The following CTSB variants were observed in gnomAD, a reference collection of about 807,000 sequenced individuals.
The protein encoded by CTSB is cathepsin B, also known as APP secretase.
Under a neutral mutation model 44.3 loss-of-function variants are expected in CTSB, and 57 were observed. The ratio of observed to expected loss-of-function variants is 1.29; its 90% CI spans 1.04 to 1.60. The LOEUF is 1.60. Among genes scored for constraint, CTSB ranks in the 40% most tolerant of loss-of-function variants. CTSB has a pLI of 0.00. For synonymous variants in CTSB, 320 were observed against 168.0 expected, an observed-to-expected ratio of 1.91 and a Z score of -7.00; for missense variants, 768 against 443.0, an observed-to-expected ratio of 1.73 and a Z score of -6.59.
intron 1 of CTSB, 88 bp from the exon 2 acceptor site, chr8:11,853,567 G>C (rs762531621): frequency 1.7e-5 from 23 of 1,344,980 alleles, no homozygotes; most frequent in Non-Finnish European, 2.3e-5. Context: ...GGCATCAGTG[G>C]GGACCCCCAT....
At chr8:11,849,985 G>C (rs1171310454) in intron 4 of CTSB, 1 of 152,330 alleles carries the variant, frequency 6.6e-6, no homozygotes, top group East Asian at 1.9e-4. Context: ...ACAGAAAGTA[G>C]AGTGGGGCTT....
At chr8:11,854,162 A>G (rs140708071) in intron 1 of CTSB, among the ~76,000 whole-genome samples, 156 of 152,106 alleles carry the variant, frequency 1.0e-3, no homozygotes, top group African/African-American at 3.7e-3. Context: ...ACTCTGAGTC[A>G]CCCTCCTAAG....
intron 1 of CTSB, among the ~76,000 whole-genome samples, chr8:11,855,741 G>A (rs777194684): frequency 2.0e-5 from 3 of 152,066 alleles, no homozygotes; most frequent in Non-Finnish European, 4.4e-5. Flanking sequence ...AAGTTCAACC[G>A]GCATGGTGGC....
rs889627383 is a variant in CTSB at position 11,844,999 on chromosome 8, C to G, written c.*126G>C. 13 of 677,312 alleles carry G rather than the reference C, an allele frequency of 1.9e-5. No homozygotes were observed. The highest frequency in any genetic ancestry group is 2.9e-5 in the Non-Finnish European group (11 of 383,662). The allele number at this position is 677,312 out of a possible 1,614,324, so 42.0% of individuals were successfully genotyped here. ...GACTTGGTCTCCTTGGAAGACAGGT[C>G]TGATGTTTGGCCAATCCAGTCCTTC... On this transcript the variant is annotated 3_prime_UTR_variant, in exon 10 of 10. Transcript: ENST00000353047.
Position 11,853,448 on chromosome 8 carries a change from G to T in CTSB, c.7C>A (p.Gln3Lys). The T allele has an allele frequency of 6.2e-7, 1 of 1,611,576 alleles. No homozygotes were observed. The highest frequency in any genetic ancestry group is 8.5e-7 in the Non-Finnish European group (1 of 1,179,446). The change falls in exon 2 of 10, where the codon CAG becomes AAG. Residue 3 changes from glutamine (Q) to lysine (K), a missense_variant. Physicochemically the swap from Gln to Lys is moderately conservative, Grantham distance 53. Coordinates refer to ENST00000353047, the MANE Select transcript of CTSB (RefSeq NM_001908.5). ...AGGCAGCAGAGGGAGGCCCAGAGCT[G>T]CCACATGTTGGAAGCCGGATCCTAG... MW[Q>K]LWASLCCLLV... is the part of the protein sequence containing the mutation.
At chr8:11,848,655 G>C (rs989597050) in intron 5 of CTSB, 29 of 306,552 alleles carry the variant, frequency 9.5e-5, no homozygotes, top group African/African-American at 5.4e-4. Flanking sequence ...AGCTGGAGCA[G>C]AAAGTTCTGT....
Position 11,847,855 on chromosome 8 carries a change from T to A in CTSB, c.533-33A>T, listed in dbSNP as rs753229097. 93 of 1,492,004 alleles carry A rather than the reference T, an allele frequency of 6.2e-5. 2 individuals are homozygous for A. In the Middle Eastern group the frequency reaches 3.2e-3, roughly 51 times the overall value. 92.4% of individuals were successfully genotyped at this position (1,492,004 alleles called of 1,614,324 possible). A position where few individuals can be genotyped will look rare whatever the true frequency, so the allele number is the denominator to read the frequency against. On this transcript the variant is annotated intron_variant, in intron 6 of 9. Coordinates refer to ENST00000353047, the MANE Select transcript of CTSB (RefSeq NM_001908.5). ...GACGCGGGAGAAAGCGGAGTCAACC[T>A]ACAGCCCCCACGGAGAAGACCTGGG...
In CTSB at chr8:11,847,835, G is replaced by C. The variant is rs776575335; in HGVS notation, c.533-13C>G. The C allele has an allele frequency of 1.9e-6, 3 of 1,575,964 alleles. No homozygotes were observed. Among genetic ancestry groups the C allele is most frequent in the Admixed American group, 4.1e-5 (2 of 48,546 alleles). On this transcript the variant is annotated splice_polypyrimidine_tract_variant and intron_variant, in intron 6 of 9. Coordinates refer to ENST00000353047, the MANE Select transcript of CTSB (RefSeq NM_001908.5). ...TACGGTCTGCACCCTGATGGGACGC[G>C]GGAGAAAGCGGAGTCAACCTACAGC... is the stretch of plus-strand genomic sequence containing the variant.
rs1351749158 is a variant in CTSB, at chr8:11,845,601, A to C, written c.922+60T>G. On this transcript the variant is annotated intron_variant, in intron 9 of 9. Coordinates refer to ENST00000353047, the MANE Select transcript of CTSB (RefSeq NM_001908.5). ...GGTGGGTAGAACAGAGAAAGCCGAG[A>C]TGGCCACGGGGTGTGGCTCACAATT... The C allele has an allele frequency of 2.5e-6, 4 of 1,578,842 alleles. No individual in the cohort carries two copies. In the South Asian group the frequency reaches 3.5e-5, roughly 14 times the overall value.
Position 11,847,731 on chromosome 8 carries a change from G to C in CTSB, c.624C>G (p.Ser208Arg), listed in dbSNP as rs746952344. 1.9e-5 allele frequency: 31 copies of C among 1,599,296 alleles called. No individual in the cohort carries two copies. The highest frequency in any genetic ancestry group is 2.5e-5 in the Non-Finnish European group (29 of 1,174,810). ...GGCTGTAGCCAGGCTCACAGATCTT[G>C]CTACACTTGGGGGTATCTCCCTCCC... ...CTGEGDTPKC[S>R]KICEPGYSPT... is the part of the protein sequence containing the mutation. The change falls in exon 7 of 10, where the codon AGC becomes AGG. Residue 208 changes from serine to arginine, a missense_variant. Coordinates refer to ENST00000353047, the MANE Select transcript of CTSB (RefSeq NM_001908.5).
At chr8:11,866,170 G>A (rs1817118740) in intron 1 of CTSB, among the ~76,000 whole-genome samples, 1 of 152,208 alleles carries the variant, frequency 6.6e-6, no homozygotes, top group Non-Finnish European at 1.5e-5. Flanking sequence ...TAAAATGGGT[G>A]CAACTTCTCT....
Position 11,847,159 on chromosome 8 carries a change from G to A in CTSB, c.686C>T (p.Ser229Phe). 1 of 1,609,324 alleles carries A rather than the reference G, an allele frequency of 6.2e-7. No individual in the cohort carries two copies. Among genetic ancestry groups the A allele is most frequent in the Non-Finnish European group, 8.5e-7 (1 of 1,175,750 alleles). Residue 229 changes from serine to phenylalanine, a missense_variant, in exon 8 of 10, where the codon TCC becomes TTC. By Grantham distance (155) the Ser-to-Phe change is radical. Coordinates refer to ENST00000353047, the MANE Select transcript of CTSB (RefSeq NM_001908.5). ...CTTCTCGCTATTGGAGACGCTGTAGGAATTGTATCCTGGAAAATGAACCGA... is the reference window on the plus strand; with the variant it reads ...CTTCTCGCTATTGGAGACGCTGTAGAAATTGTATCCTGGAAAATGAACCGA... ...YKQDKHYGYNSYSVSNSEKDI... is the reference protein window; with the variant it reads ...YKQDKHYGYNFYSVSNSEKDI...
intron 1 of CTSB, among the ~76,000 whole-genome samples, chr8:11,862,164 G>A (rs778102401): frequency 1.2e-4 from 17 of 147,246 alleles, no homozygotes; most frequent in Non-Finnish European, 1.9e-4. Context: ...CCGAGATCAC[G>A]CCACTGCACT....
At chr8:11,857,287 G>A (rs969805017) in intron 1 of CTSB, among the ~76,000 whole-genome samples, 1 of 152,128 alleles carries the variant, frequency 6.6e-6, no homozygotes, top group Non-Finnish European at 1.5e-5. Flanking sequence ...CAAAGTGCTA[G>A]GATTACAGGC....
chr8:11,859,484 G>A (rs935079567), intron 1 of CTSB, among the ~76,000 whole-genome samples: 3 of 152,184 alleles, frequency 2.0e-5, no homozygotes, highest in Non-Finnish European at 2.9e-5. Context: ...TTTCTGGCCA[G>A]GCACAGTGGC....
chr8:11,860,507 C>T (rs911430957), intron 1 of CTSB, among the ~76,000 whole-genome samples: 7 of 152,042 alleles, frequency 4.6e-5, no homozygotes, highest in Non-Finnish European at 1.0e-4. Flanking sequence ...ACCTATAATC[C>T]CAACTACTCG....
chr8:11,858,650 G>C (rs1815910479), intron 1 of CTSB, among the ~76,000 whole-genome samples: 1 of 152,152 alleles, frequency 6.6e-6, no homozygotes, highest in Non-Finnish European at 1.5e-5. Flanking sequence ...TTCCACTCTT[G>C]AGGGTCCCGA....
At position 11,850,858 on chromosome 8, in the gene CTSB, G is replaced by A. The variant is rs748740952; in HGVS notation, c.327+8C>T. The A allele has an allele frequency of 7.5e-6, 12 of 1,603,640 alleles. No homozygotes were observed. The highest frequency in any genetic ancestry group is 1.1e-5 in the South Asian group (1 of 90,398). ...CCAGCGCTTCCCCGCCAGCCAGCAG[G>A]GCCTTACCCAGCAGGAGCCACAGGA... On this transcript the variant is annotated splice_region_variant and intron_variant, in intron 4 of 9. Transcript: ENST00000353047.
Position 11,845,575 on chromosome 8 carries a change from C to T in CTSB, c.922+86G>A, listed in dbSNP as rs564252820. 3.7e-4 allele frequency: 549 copies of T among 1,497,644 alleles called. 1 individual carries two copies. The African/African-American group carries it at 5.8e-3, about 16-fold the overall frequency. The allele number at this position is 1,497,644 out of a possible 1,614,324, so 92.8% of individuals were successfully genotyped here. ...CGTAGGTCCAGGGTTTAAGGCTGTG[C>T]GGTGGGTAGAACAGAGAAAGCCGAG... On this transcript the variant is annotated intron_variant, in intron 9 of 9. Transcript: ENST00000353047.
Sources: gnomAD v4.1 joint callset for allele counts (sites outside exome capture counted in the v4.1 genomes callset) on GRCh38, gnomAD v4.1.1 for gene constraint, MANE v1.5 for transcripts, NCBI Gene and HGNC (gene_info 2026-07-23, HGNC 2026-07-21) for gene names.